The following ATR variants were observed in gnomAD, a reference collection of about 807,000 sequenced individuals.
ATR encodes serine/threonine-protein kinase ATR.
A neutral mutation model predicts 305.3 loss-of-function variants in ATR; 142 were observed. The ratio of observed to expected loss-of-function variants is 0.47; its 90% CI spans 0.41 to 0.53. ATR has a LOEUF of 0.53. Among genes scored for constraint, ATR ranks in the 20% least tolerant of loss-of-function variants. The pLI is 0.00. For missense variants in ATR, 2,135 were observed against 3,133.1 expected (o/e 0.68, Z 7.60); for synonymous variants, 1,050 against 1,068.1 (o/e 0.98, Z 0.33).
chr3:142,450,637 G>A, intron 46 of ATR: 1 of 1,606,994 alleles, frequency 6.2e-7, no homozygotes, highest in South Asian at 1.1e-5. Context: ...AGTATACAAG[G>A]TCAGGAATAA....
At chr3:142,501,601 C>A (rs2031969266) in intron 30 of ATR, among the ~76,000 whole-genome samples, 1 of 152,108 alleles carries the variant, frequency 6.6e-6, no homozygotes, top group African/African-American at 2.4e-5. Context: ...AAAAAGTAGG[C>A]AAAGGACATG....
intron 40 of ATR, 129 bp downstream of exon 40, chr3:142,466,195 T>G: frequency 9.1e-7 from 1 of 1,102,004 alleles, no homozygotes; most frequent in Non-Finnish European, 1.3e-6. Flanking sequence ...GTTTTACTCT[T>G]CTGTATTTCC....
chr3:142,569,058 C>A (rs545725766), intron 1 of ATR, among the ~76,000 whole-genome samples: 26 of 152,304 alleles, frequency 1.7e-4, no homozygotes, highest in African/African-American at 6.0e-4. Context: ...CAGCTTGAAG[C>A]CTGGAAGCCT....
chr3:142,491,405 T>A (rs1441947125), intron 35 of ATR, among the ~76,000 whole-genome samples: 2 of 152,174 alleles, frequency 1.3e-5, no homozygotes, highest in African/African-American at 4.8e-5. Context: ...CCTGAAAAGT[T>A]GGTAGTCTGA....
rs1263950910 is a variant in ATR at position 142,540,896 on chromosome 3, T to C, written c.3581+8A>G. ...AAAAAAAATTAATAAACTCAGGCAG[T>C]CATTTACCTGCAACACAATTCAGGA... On this transcript the variant is annotated splice_region_variant and intron_variant, in intron 18 of 46. Transcript: ENST00000350721. 6.2e-7 allele frequency: 1 copy of C among 1,603,876 alleles called. No individual in the cohort carries two copies. Among genetic ancestry groups the C allele is most frequent in the Non-Finnish European group, 8.5e-7 (1 of 1,174,398 alleles).
chr3:142,546,839 T>C (rs530671927), intron 16 of ATR, among the ~76,000 whole-genome samples: 8 of 152,294 alleles, frequency 5.3e-5, no homozygotes, highest in African/African-American at 1.9e-4. Flanking sequence ...TTGGTGATCC[T>C]GACAAAAGGA....
At chr3:142,504,609 C>T (rs1355200276) in intron 29 of ATR, among the ~76,000 whole-genome samples, 1 of 151,460 alleles carries the variant, frequency 6.6e-6, no homozygotes, top group African/African-American at 2.4e-5. Context: ...ATTACAGGCG[C>T]TCGCCACCAC....
chr3:142,536,546 G>C (rs753425807), intron 19 of ATR, among the ~76,000 whole-genome samples: 11 of 152,208 alleles, frequency 7.2e-5, no homozygotes, highest in Non-Finnish European at 1.6e-4. Context: ...TTTGGGGCCT[G>C]TTAAAAATGC....
intron 21 of ATR, among the ~76,000 whole-genome samples, chr3:142,524,573 G>A (rs989187842): frequency 1.3e-5 from 2 of 151,942 alleles, no homozygotes; most frequent in African/African-American, 2.4e-5. Flanking sequence ...ATACTTGTAC[G>A]GCAAAGAAGC....
chr3:142,524,104 G>C lies in ATR; in HGVS notation c.4041C>G (p.Asn1347Lys). 6.2e-7 allele frequency: 1 copy of C among 1,614,064 alleles called. No individual in the cohort carries two copies. Among genetic ancestry groups the C allele is most frequent in the Non-Finnish European group, 8.5e-7 (1 of 1,179,980 alleles). The change falls in exon 22 of 47, where the codon AAC (asparagine) becomes AAG (lysine). Residue 1347 changes from asparagine (N) to lysine (K), a missense_variant. Physicochemically the swap from Asn to Lys is moderately conservative, Grantham distance 94 (BLOSUM62 0). Transcript: ENST00000350721. ...TVLLKGCQDA[N>K]SQARLLCGEC... is the part of the protein sequence containing the mutation. ...CCCCACAGAGCAACCGAGCTTGAGA[G>C]TTTGCATCTTGGCAACCTTTCAAAA...
intron 7 of ATR, 152 bp downstream of exon 7, chr3:142,559,099 C>T: frequency 1.2e-6 from 1 of 834,016 alleles, no homozygotes; most frequent in Admixed American, 3.1e-5. Context: ...CAACTCAGAA[C>T]TTCTATTATT....
chr3:142,485,785 T>G (rs1274210711), intron 35 of ATR, among the ~76,000 whole-genome samples: 1 of 152,192 alleles, frequency 6.6e-6, no homozygotes, highest in Non-Finnish European at 1.5e-5. Flanking sequence ...CTCTCACAAG[T>G]TATTGCCCTT....
chr3:142,491,996 AT>A (rs1267260284), intron 35 of ATR, among the ~76,000 whole-genome samples: 1 of 152,010 alleles, frequency 6.6e-6, no homozygotes, highest in Non-Finnish European at 1.5e-5. Flanking sequence ...TCACAGAGTA[AT>A]TTTTTAATGG....
chr3:142,518,473 C>T (rs2033003715), intron 24 of ATR, among the ~76,000 whole-genome samples: 2 of 152,176 alleles, frequency 1.3e-5, no homozygotes, highest in South Asian at 4.1e-4. Flanking sequence ...GCTGATACCG[C>T]ATCACTGCAC....
At chr3:142,523,890 G>GGTCGCCGT in intron 22 of ATR, 103 bp downstream of exon 22, 1 of 1,216,718 alleles carries the variant, frequency 8.2e-7, no homozygotes, top group Non-Finnish European at 1.1e-6. Context: ...GGTTCTAGGT[G>GGTCGCCGT]AAGCTTTTAT....
intron 16 of ATR, 98 bp downstream of exon 16, chr3:142,547,627 G>T: frequency 1.5e-6 from 2 of 1,354,258 alleles, no homozygotes; most frequent in Admixed American, 2.1e-5. Context: ...ATGGCTAGCA[G>T]CCAGAAAATG....
At position 142,566,134 on chromosome 3, in the gene ATR, T is replaced by C. The variant is rs2035063785; in HGVS notation, c.279A>G (p.Lys93=). ...AACAGCACTTACCAATACAACTGCC[T>C]TTGGCCTCATGGCTTCCACTCACAT... ...FVNVSGSHEA[K]GSCIEFSNWI... Residue 93 remains lysine (K), a synonymous_variant, in exon 3 of 47, where the codon AAA becomes AAG. Coordinates refer to ENST00000350721, the MANE Select transcript of ATR (RefSeq NM_001184.4). 6.2e-7 allele frequency: 1 copy of C among 1,614,042 alleles called. No homozygotes were observed. Among genetic ancestry groups the C allele is most frequent in the Non-Finnish European group, 8.5e-7 (1 of 1,180,020 alleles).
chr3:142,557,830 G>C, intron 8 of ATR, among the ~76,000 whole-genome samples: 1 of 151,384 alleles, frequency 6.6e-6, no homozygotes. Flanking sequence ...ATGAGGTTTT[G>C]CCATGTTGGC....
intron 13 of ATR, among the ~76,000 whole-genome samples, chr3:142,550,664 T>G (rs1400241891): frequency 6.6e-6 from 1 of 152,204 alleles, no homozygotes; most frequent in Admixed American, 6.5e-5. Flanking sequence ...TATACACCAT[T>G]ATAAGATGAT....
Sources: allele counts gnomAD v4.1 joint callset (sites outside exome capture counted in the v4.1 genomes callset), GRCh38; gene constraint gnomAD v4.1.1; transcripts MANE v1.5; gene names NCBI Gene and HGNC (gene_info 2026-07-23, HGNC 2026-07-21).